KDM4C: variants seen among roughly 807,000 people sequenced by gnomAD.
The protein encoded by KDM4C is lysine demethylase 4C.
Under a neutral mutation model 129.3 loss-of-function variants are expected in KDM4C, and 81 were observed. The observed-to-expected ratio is 0.63, with a 90% CI of 0.52 to 0.75. KDM4C has a LOEUF of 0.75. Among genes scored for constraint, KDM4C ranks in the 30% least tolerant of loss-of-function variants. KDM4C has a pLI of 0.00. For synonymous variants in KDM4C, 573 were observed against 456.1 expected, an observed-to-expected ratio of 1.26 and a Z score of -3.26; for missense variants, 1,457 against 1,304.0, an observed-to-expected ratio of 1.12 and a Z score of -1.81.
rs1206738707 is a variant in KDM4C at position 6,732,176 on chromosome 9, CTA to C, written c.49+11180_49+11181del. On this transcript the variant is annotated intron_variant, in intron 1 of 17. Transcript: ENST00000536108. ...GGTCAGGAGATTGAGACCATCCTGGCTAACACAGTGAAACCCCATCTTTACTA... is the reference window on the plus strand; with the variant it reads ...GGTCAGGAGATTGAGACCATCCTGGCACACAGTGAAACCCCATCTTTACTA... 2.2e-4 allele frequency among the ~76,000 whole-genome samples: 33 copies of C among 151,554 alleles called. 1 individual carries two copies. In the South Asian group the frequency reaches 5.5e-3, roughly 25 times the overall value.
At chr9:6,866,941 A>G (rs980795762) in intron 5 of KDM4C, among the ~76,000 whole-genome samples, 12 of 146,554 alleles carry the variant, frequency 8.2e-5, no homozygotes, top group African/African-American at 2.7e-4. Context: ...GTATGTAAAA[A>G]TGTATATATG....
At chr9:6,937,192 TG>T (rs1824965946) in intron 8 of KDM4C, among the ~76,000 whole-genome samples, 2 of 152,294 alleles carry the variant, frequency 1.3e-5, no homozygotes, top group South Asian at 4.1e-4. Context: ...GGATTACAGG[TG>T]TGAGCCGCCT....
intron 18 of KDM4C, among the ~76,000 whole-genome samples, chr9:7,109,359 T>A (rs547609301): frequency 6.6e-6 from 1 of 152,268 alleles, no homozygotes; most frequent in Non-Finnish European, 1.5e-5. Context: ...AAAAAAGTAG[T>A]TCTGTTCCCA....
intron 1 of KDM4C, among the ~76,000 whole-genome samples, chr9:6,768,933 C>G (rs536259574): frequency 2.0e-5 from 3 of 152,062 alleles, no homozygotes; most frequent in African/African-American, 7.2e-5. Flanking sequence ...TCACCATGCC[C>G]GGGTAATTTT....
At chr9:7,083,711 A>ATGTGTGTGTGTGTGTGTGTGTG (rs142609948) in intron 17 of KDM4C, among the ~76,000 whole-genome samples, 15 of 143,222 alleles carry the variant, frequency 1.0e-4, no homozygotes, top group African/African-American at 2.6e-4. Context: ...CACATGACTG[A>ATGTGTGTGTGTGTGTGTGTGTG]TGTGTGTGTG....
intron 18 of KDM4C, among the ~76,000 whole-genome samples, chr9:7,127,170 C>G (rs79900476): frequency 0.037 from 5,682 of 152,142 alleles, 428 homozygotes; most frequent in East Asian, 0.27. Flanking sequence ...GCATACACCA[C>G]CATTGCAGTA....
chr9:7,139,006 T>C (rs1442583885), intron 19 of KDM4C, among the ~76,000 whole-genome samples: 2 of 152,176 alleles, frequency 1.3e-5, no homozygotes, highest in Non-Finnish European at 2.9e-5. Flanking sequence ...GCGCAGTGGC[T>C]GACACCTGGA....
intron 4 of KDM4C, among the ~76,000 whole-genome samples, chr9:6,828,188 C>T (rs943365415): frequency 2.0e-5 from 3 of 152,024 alleles, no homozygotes; most frequent in Non-Finnish European, 4.4e-5. Flanking sequence ...CGCACTGTCG[C>T]CCAGGCTGGA....
chr9:7,132,761 A>G (rs2181557), intron 19 of KDM4C, among the ~76,000 whole-genome samples: 117,828 of 152,144 alleles, frequency 0.77, 45,979 homozygotes, highest in East Asian at 0.83. Context: ...ACCTGTTTAC[A>G]GTAGAGTGAT....
intron 1 of KDM4C, among the ~76,000 whole-genome samples, chr9:6,761,600 G>T (rs1035819793): frequency 6.6e-6 from 1 of 152,136 alleles, no homozygotes; most frequent in African/African-American, 2.4e-5. Context: ...GATGACAGGC[G>T]TGAGCCACTG....
intron 4 of KDM4C, among the ~76,000 whole-genome samples, chr9:6,846,456 C>T (rs1837867087): frequency 6.6e-6 from 1 of 152,098 alleles, no homozygotes; most frequent in Non-Finnish European, 1.5e-5. Context: ...TGGTACTGTT[C>T]AGAAGAGCCT....
intron 8 of KDM4C, among the ~76,000 whole-genome samples, chr9:6,947,478 T>G (rs1478325086): frequency 6.6e-6 from 1 of 152,172 alleles, no homozygotes; most frequent in Non-Finnish European, 1.5e-5. Context: ...TTCTTTCTTA[T>G]TGTCTTTATT....
At chr9:6,884,198 G>A (rs1161377090) in intron 6 of KDM4C, among the ~76,000 whole-genome samples, 2 of 152,076 alleles carry the variant, frequency 1.3e-5, no homozygotes, top group African/African-American at 4.8e-5. Flanking sequence ...GCCTGCGAAA[G>A]GATAATTTTC....
chr9:6,959,907 A>G (rs1829739718), intron 8 of KDM4C, among the ~76,000 whole-genome samples: 1 of 152,148 alleles, frequency 6.6e-6, no homozygotes. Flanking sequence ...GGTTACTACG[A>G]AAGTGACAAC....
intron 11 of KDM4C, among the ~76,000 whole-genome samples, chr9:6,987,119 G>C (rs969246044): frequency 6.6e-6 from 1 of 152,060 alleles, no homozygotes; most frequent in African/African-American, 2.4e-5. Context: ...CATCTGCTGG[G>C]CACTGATCAC....
intron 8 of KDM4C, among the ~76,000 whole-genome samples, chr9:6,973,558 C>A (rs918535109): frequency 4.6e-5 from 7 of 152,188 alleles, no homozygotes; most frequent in African/African-American, 1.7e-4. Flanking sequence ...CAGAGACTCA[C>A]ACTCAAAATT....
intron 18 of KDM4C, among the ~76,000 whole-genome samples, chr9:7,126,859 A>C (rs1840074747): frequency 6.6e-6 from 1 of 152,112 alleles, no homozygotes; most frequent in Non-Finnish European, 1.5e-5. Flanking sequence ...TGTTAAAAAA[A>C]AAAGAAAAGA....
chr9:7,134,213 A>G (rs950203998), intron 19 of KDM4C, among the ~76,000 whole-genome samples: 4 of 152,204 alleles, frequency 2.6e-5, no homozygotes, highest in African/African-American at 4.8e-5. Flanking sequence ...TCGCTTTTCT[A>G]TCTTGACTGT....
At chr9:7,076,364 A>G (rs774596913) in intron 17 of KDM4C, 156 of 1,080,274 alleles carry the variant, frequency 1.4e-4, no homozygotes, top group Non-Finnish European at 2.0e-4. Flanking sequence ...GCTAAAGCCC[A>G]TGCTATTTTC....
Sources: allele counts gnomAD v4.1 joint callset (sites outside exome capture counted in the v4.1 genomes callset), GRCh38; gene constraint gnomAD v4.1.1; transcripts MANE v1.5; gene names NCBI Gene and HGNC (gene_info 2026-07-23, HGNC 2026-07-21).